KLHL10: variants seen among roughly 807,000 people sequenced by gnomAD.
KLHL10 encodes kelch like family member 10, also known as kelch-like protein 10.
A neutral mutation model predicts 46.6 loss-of-function variants in KLHL10; 11 were observed. The ratio of observed to expected loss-of-function variants is 0.24; its 90% CI spans 0.15 to 0.39. The LOEUF is 0.39. KLHL10 is among the 10% of genes least tolerant of loss of function. The pLI is 1.00. For synonymous variants in KLHL10, 254 were observed against 279.1 expected (o/e 0.91, Z 0.90); for missense variants, 475 against 789.8 (o/e 0.60, Z 4.78).
rs112855898 is a variant in KLHL10, at chr17:41,847,784, C to T, written c.1453-149C>T. 2.8e-4 allele frequency: 283 copies of T among 1,027,774 alleles called. 6 individuals are homozygous for T. The African/African-American group carries it at 3.5e-3, about 13-fold the overall frequency. The allele number at this position is 1,027,774 out of a possible 1,614,324, so 63.7% of individuals were successfully genotyped here. ...CCTCCCAGAGTGCTGGGATTACAGG[C>T]GTGAGCCACTGCACCCGGCTGAAAA... is the stretch of plus-strand genomic sequence containing the variant. On this transcript the variant is annotated intron_variant, in intron 4 of 4. Coordinates refer to ENST00000293303, the MANE Select transcript of KLHL10 (RefSeq NM_152467.5).
rs371274349 is a variant in KLHL10, at chr17:41,847,340, C to G, written c.1382C>G (p.Thr461Arg). 1 of 1,613,782 alleles carries G rather than the reference C, an allele frequency of 6.2e-7. No homozygotes were observed. The highest frequency in any genetic ancestry group is 8.5e-7 in the Non-Finnish European group (1 of 1,179,828). ...EVYNTESNQW[T>R]VIAPMRSRRS... is the part of the protein sequence containing the mutation. ...TATAACACTGAAAGTAATCAGTGGA[C>G]AGTCATAGCACCCATGAGAAGCAGG... is the stretch of plus-strand genomic sequence containing the variant. Residue 461 changes from threonine to arginine, a missense_variant, in exon 4 of 5, where the codon ACA (threonine) becomes AGA (arginine). By Grantham distance (71) the Thr-to-Arg change is moderately conservative. Transcript: ENST00000293303.
chr17:41,843,724 A>G (rs1315480998), intron 2 of KLHL10, among the ~76,000 whole-genome samples: 1 of 152,038 alleles, frequency 6.6e-6, no homozygotes, highest in African/African-American at 2.4e-5. Flanking sequence ...CCAAATGTAT[A>G]TATCACCTCC....
At chr17:41,844,226 ATT>A (rs35887307) in intron 2 of KLHL10, among the ~76,000 whole-genome samples, 21 of 142,570 alleles carry the variant, frequency 1.5e-4, no homozygotes, top group African/African-American at 3.8e-4. Context: ...TGCCTGGCTA[ATT>A]TTTTTTTTTT....
Position 41,842,055 on chromosome 17 carries a change from G to A in KLHL10, c.427G>A (p.Gly143Ser). 5.0e-6 allele frequency: 8 copies of A among 1,613,958 alleles called. No individual in the cohort carries two copies. The highest frequency in any genetic ancestry group is 2.2e-5 in the East Asian group (1 of 44,898). The change falls in exon 2 of 5, where the codon GGC (glycine) becomes AGC (serine). Residue 143 changes from glycine (G) to serine (S), a missense_variant. Transcript: ENST00000293303. ...KSELCLDNCI[G>S]ICKFTDYYYC... The stretch of plus-strand genomic sequence containing the variant: ...AGAGCTGTGCTTGGATAATTGTATC[G>A]GCATCTGTAAGTTCACGGACTACTA...
intron 2 of KLHL10, among the ~76,000 whole-genome samples, chr17:41,844,226 A>AT (rs35887307): frequency 8.4e-4 from 120 of 142,520 alleles, no homozygotes; most frequent in Admixed American, 2.7e-3. Flanking sequence ...TGCCTGGCTA[A>AT]TTTTTTTTTT....
chr17:41,837,173 AT>A (rs201133772), upstream of KLHL10, among the ~76,000 whole-genome samples: 64 of 150,792 alleles, frequency 4.2e-4, no homozygotes, highest in Non-Finnish European at 8.0e-4. Context: ...AAAAAGAAAG[AT>A]TTTTTTTTTG....
At position 41,845,881 on chromosome 17, in the gene KLHL10, G is replaced by A. The variant is rs533619821; in HGVS notation, c.1302+138G>A. 145 of 1,107,544 alleles carry A rather than the reference G, an allele frequency of 1.3e-4. No homozygotes were observed. In the African/African-American group the frequency reaches 2.1e-3, roughly 16 times the overall value. 68.6% of individuals were successfully genotyped at this position (1,107,544 alleles called of 1,614,324 possible). Reference sequence around the variant, plus strand: ...ACTCATTCTTTCTTCAATTGACAAGGTGACTAGTTGCAACTGTCTTTTATG... The same window carrying A: ...ACTCATTCTTTCTTCAATTGACAAGATGACTAGTTGCAACTGTCTTTTATG... On this transcript the variant is annotated intron_variant, in intron 3 of 4. Transcript: ENST00000293303.
chr17:41,839,928 G>T (rs1555620556), intron 1 of KLHL10, among the ~76,000 whole-genome samples: 3 of 150,038 alleles, frequency 2.0e-5, no homozygotes, highest in Non-Finnish European at 4.4e-5. Flanking sequence ...CACCCAGGCT[G>T]GAATGCAATG....
intron 1 of KLHL10, among the ~76,000 whole-genome samples, chr17:41,840,251 G>A (rs2048213215): frequency 6.6e-6 from 1 of 152,226 alleles, no homozygotes; most frequent in Non-Finnish European, 1.5e-5. Flanking sequence ...GAATGGGTGT[G>A]GCTGTATTCC....
At chr17:41,847,511 T>A in intron 4 of KLHL10, 101 bp downstream of exon 4, 3 of 318,146 alleles carry the variant, frequency 9.4e-6, no homozygotes, top group Non-Finnish European at 9.8e-6. Flanking sequence ...TTTGAAAAGC[T>A]TTTTTTTTTT....
chr17:41,837,839 G>T lies in KLHL10; in HGVS notation c.-94G>T. On this transcript the variant is annotated 5_prime_UTR_variant, in exon 1 of 5. It removes the in-frame stop codon of an upstream open reading frame in the 5' UTR. Coordinates refer to ENST00000293303, the MANE Select transcript of KLHL10 (RefSeq NM_152467.5). The stretch of plus-strand genomic sequence containing the variant: ...TGATAGACCCTATACAAAAGATGTA[G>T]TAGGGAAAAGGAGCGACAGCTGGCT... 6.3e-7 allele frequency: 1 copy of T among 1,592,892 alleles called. No homozygotes were observed.
chr17:41,846,438 T>A (rs1221238206), intron 3 of KLHL10, among the ~76,000 whole-genome samples: 1 of 151,490 alleles, frequency 6.6e-6, no homozygotes, highest in Non-Finnish European at 1.5e-5. Context: ...GGAGAATCAC[T>A]TGAACCTAGG....
chr17:41,836,173 C>T, upstream of KLHL10: 1 of 1,285,770 alleles, frequency 7.8e-7, no homozygotes, highest in Non-Finnish European at 9.8e-7. Flanking sequence ...ACGCTTCCTC[C>T]CTCCTCACCT....
Position 41,845,292 on chromosome 17 carries a change from C to A in KLHL10, c.851C>A (p.Thr284Asn). 6.2e-7 allele frequency: 1 copy of A among 1,614,222 alleles called. No individual in the cohort carries two copies. Among genetic ancestry groups the A allele is most frequent in the Non-Finnish European group, 8.5e-7 (1 of 1,180,044 alleles). The change falls in exon 3 of 5, where the codon ACC becomes AAC. Residue 284 changes from threonine to asparagine, a missense_variant. Physicochemically the swap from Thr to Asn is moderately conservative, Grantham distance 65. Transcript: ENST00000293303. ...PSNSDFTNPL[T>N]RPRLPYAILF... ...AATTCTGATTTCACCAACCCACTCA[C>A]CAGACCACGCTTGCCCTATGCCATC...
Position 41,841,892 on chromosome 17 carries a change from C to G in KLHL10, c.264C>G (p.Asp88Glu). 6.2e-7 allele frequency: 1 copy of G among 1,614,184 alleles called. No homozygotes were observed. The change falls in exon 2 of 5, where the codon GAC becomes GAG. Residue 88 changes from aspartate (D) to glutamate (E), a missense_variant. By Grantham distance (45) the Asp-to-Glu change is conservative. Transcript: ENST00000293303. ...KVYNIPGISP[D>E]MMKLIIEYAY... Reference sequence around the variant, plus strand: ...ACAACATCCCTGGCATTTCTCCCGACATGATGAAGCTAATCATTGAGTATG... The same window carrying G: ...ACAACATCCCTGGCATTTCTCCCGAGATGATGAAGCTAATCATTGAGTATG...
At chr17:41,836,659 C>CA (rs1396233601), upstream of KLHL10, among the ~76,000 whole-genome samples, 2 of 151,946 alleles carry the variant, frequency 1.3e-5, no homozygotes, top group Non-Finnish European at 1.5e-5. Flanking sequence ...CCTGTCTCTA[C>CA]AAAAAATACA....
At chr17:41,844,891 G>C (rs1326820826) in intron 2 of KLHL10, among the ~76,000 whole-genome samples, 8 of 151,922 alleles carry the variant, frequency 5.3e-5, no homozygotes, top group African/African-American at 1.5e-4. Context: ...TTGCTATGTT[G>C]CCAGGCTGGT....
Position 41,842,284 on chromosome 17 carries a change from A to G in KLHL10, c.656A>G (p.Lys219Arg). 6.2e-7 allele frequency: 1 copy of G among 1,614,112 alleles called. No homozygotes were observed. The highest frequency in any genetic ancestry group is 8.5e-7 in the Non-Finnish European group (1 of 1,180,038). ...KWISHDPQNRKQHISILLPKV... is the reference protein window; with the variant it reads ...KWISHDPQNRRQHISILLPKV... ...ATTTCTCATGACCCCCAAAATAGAA[A>G]GCAGCACATTTCAATTTTGCTTCCT... is the stretch of plus-strand genomic sequence containing the variant. The change falls in exon 2 of 5, where the codon AAG becomes AGG. Residue 219 changes from lysine to arginine, a missense_variant. Lys to Arg is a conservative substitution (Grantham distance 26). Coordinates refer to ENST00000293303, the MANE Select transcript of KLHL10 (RefSeq NM_152467.5).
rs782284363 is a variant in KLHL10 at position 41,842,155 on chromosome 17, C to T, written c.527C>T (p.Ala176Val). The T allele has an allele frequency of 4.3e-6, 7 of 1,614,122 alleles. No individual in the cohort carries two copies. In the South Asian group the frequency reaches 7.7e-5, roughly 18 times the overall value. Reference protein sequence around the residue: ...HNFEEMVKVSAEFLELSVTEL... With the variant: ...HNFEEMVKVSVEFLELSVTEL... ...TTTGAGGAGATGGTGAAAGTCTCGG[C>T]AGAATTTTTAGAGCTCTCGGTCACT... The change falls in exon 2 of 5, where the codon GCA (alanine) becomes GTA (valine). Residue 176 changes from alanine to valine, a missense_variant. Transcript: ENST00000293303.
Sources: allele counts gnomAD v4.1 joint callset (sites outside exome capture counted in the v4.1 genomes callset), GRCh38; gene constraint gnomAD v4.1.1; transcripts MANE v1.5; gene names NCBI Gene and HGNC (gene_info 2026-07-23, HGNC 2026-07-21).